CSMD1: variants seen among roughly 807,000 people sequenced by gnomAD.
The protein encoded by CSMD1 is CUB and sushi domain-containing protein 1.
In CSMD1, 213 loss-of-function variants were observed where a neutral mutation model predicts 417.5. The observed-to-expected ratio is 0.51, with a 90% CI of 0.46 to 0.57. The LOEUF is 0.57. Ranked by LOEUF, CSMD1 falls within the 20% of genes least tolerant of loss-of-function variation. CSMD1 has a pLI of 0.00. For missense variants in CSMD1, 6,923 were observed against 4,529.7 expected, an observed-to-expected ratio of 1.53 and a Z score of -15.17; for synonymous variants, 2,862 against 1,736.8, an observed-to-expected ratio of 1.65 and a Z score of -16.11.
chr8:4,331,233 G>C (rs570289958), intron 3 of CSMD1, among the ~76,000 whole-genome samples: 1 of 152,260 alleles, frequency 6.6e-6, no homozygotes, highest in African/African-American at 2.4e-5. Flanking sequence ...GTGAGTCCCT[G>C]TGGGAACCTC....
At position 3,625,384 on chromosome 8, in the gene CSMD1, C is replaced by G. The variant is rs1423403028; in HGVS notation, c.1010-8587G>C. On this transcript the variant is annotated intron_variant, in intron 7 of 69. Coordinates refer to ENST00000635120, the MANE Select transcript of CSMD1 (RefSeq NM_033225.6). ...AGTGAGAGACAAGGGCTGCATTTTC[C>G]AAGTGTTTAACTTATTACATTGCCA... Among the ~76,000 whole-genome samples the G allele has an allele frequency of 2.0e-5, 3 of 151,954 alleles. No individual in the cohort carries two copies. In the South Asian group the frequency reaches 6.2e-4, roughly 32 times the overall value.
At chr8:4,743,762 G>T (rs13266752) in intron 1 of CSMD1, among the ~76,000 whole-genome samples, 1 of 152,000 alleles carries the variant, frequency 6.6e-6, no homozygotes, top group South Asian at 2.1e-4. Flanking sequence ...AGACCTTGAA[G>T]TTTTGCCTAT....
At chr8:3,442,214 A>C (rs1815031563) in intron 12 of CSMD1, among the ~76,000 whole-genome samples, 1 of 152,202 alleles carries the variant, frequency 6.6e-6, no homozygotes. Flanking sequence ...AAGGTTTATA[A>C]AGTAAAAAAG....
At chr8:4,279,358 G>T (rs917308789) in intron 3 of CSMD1, among the ~76,000 whole-genome samples, 2 of 152,140 alleles carry the variant, frequency 1.3e-5, no homozygotes, top group African/African-American at 4.8e-5. Flanking sequence ...GTGGCAAACG[G>T]ACATCTCAAC....
At chr8:4,386,116 C>G (rs1803434026) in intron 3 of CSMD1, among the ~76,000 whole-genome samples, 1 of 152,168 alleles carries the variant, frequency 6.6e-6, no homozygotes, top group Non-Finnish European at 1.5e-5. Flanking sequence ...TTGACTTTTA[C>G]CCGGGAATTT....
chr8:4,076,251 C>T (rs939200650), intron 3 of CSMD1, among the ~76,000 whole-genome samples: 2 of 152,168 alleles, frequency 1.3e-5, no homozygotes, highest in Admixed American at 6.5e-5. Flanking sequence ...CTTCTCTCTC[C>T]TGCCACTATG....
At chr8:3,388,299 A>C (rs1443891818) in intron 17 of CSMD1, among the ~76,000 whole-genome samples, 1 of 152,208 alleles carries the variant, frequency 6.6e-6, no homozygotes, top group African/African-American at 2.4e-5. Context: ...ATTAATGTGC[A>C]TGAAGTAATT....
At chr8:4,884,877 G>T (rs754682056) in intron 1 of CSMD1, among the ~76,000 whole-genome samples, 2 of 152,110 alleles carry the variant, frequency 1.3e-5, no homozygotes, top group African/African-American at 4.8e-5. Flanking sequence ...AAATTTTAGG[G>T]TCAGCTTATC....
intron 5 of CSMD1, among the ~76,000 whole-genome samples, chr8:3,953,209 T>C (rs1374452354): frequency 1.3e-5 from 2 of 152,228 alleles, no homozygotes; most frequent in African/African-American, 2.4e-5. Context: ...ATAAACATTA[T>C]AGGATTAAAA....
intron 23 of CSMD1, among the ~76,000 whole-genome samples, chr8:3,317,403 C>A (rs1032544005): frequency 6.6e-6 from 1 of 152,178 alleles, no homozygotes; most frequent in African/African-American, 2.4e-5. Flanking sequence ...TAGGCATAGA[C>A]AGTATGAGTC....
At chr8:4,104,438 G>GCACA (rs58522554) in intron 3 of CSMD1, among the ~76,000 whole-genome samples, 34 of 151,440 alleles carry the variant, frequency 2.2e-4, no homozygotes, top group African/African-American at 5.3e-4. Flanking sequence ...GCACACGCAT[G>GCACA]CACACACACA....
chr8:4,802,012 T>G (rs1436634046), intron 1 of CSMD1, among the ~76,000 whole-genome samples: 1 of 152,188 alleles, frequency 6.6e-6, no homozygotes, highest in African/African-American at 2.4e-5. Context: ...TTTGCTTCCC[T>G]GGTGTAGACA....
chr8:3,582,007 T>G (rs1177544083), intron 9 of CSMD1, among the ~76,000 whole-genome samples: 1 of 152,088 alleles, frequency 6.6e-6, no homozygotes, highest in African/African-American at 2.4e-5. Flanking sequence ...GTTGGCCAGG[T>G]TGGTCTTGAA....
chr8:3,472,321 C>A (rs986591536), intron 11 of CSMD1, among the ~76,000 whole-genome samples: 1 of 152,212 alleles, frequency 6.6e-6, no homozygotes, highest in African/African-American at 2.4e-5. Flanking sequence ...CATCTTTTAA[C>A]TATTGTAAGT....
At chr8:4,768,795 G>C (rs948365384) in intron 1 of CSMD1, among the ~76,000 whole-genome samples, 1 of 152,108 alleles carries the variant, frequency 6.6e-6, no homozygotes. Flanking sequence ...TGGGAAGAGA[G>C]GAATTAATAA....
At chr8:4,461,741 ATTTT>A (rs35226423) in intron 2 of CSMD1, among the ~76,000 whole-genome samples, 1 of 124,550 alleles carries the variant, frequency 8.0e-6, no homozygotes, top group Non-Finnish European at 1.6e-5. Flanking sequence ...TTATTTACTT[ATTTT>A]TTTTTTTTTT....
intron 10 of CSMD1, among the ~76,000 whole-genome samples, chr8:3,555,278 G>C (rs554488786): frequency 7.9e-5 from 12 of 152,234 alleles, no homozygotes; most frequent in African/African-American, 2.6e-4. Context: ...CCAATGGGAT[G>C]ATTTAGGCAG....
intron 5 of CSMD1, among the ~76,000 whole-genome samples, chr8:3,936,107 T>G (rs1810472748): frequency 6.6e-6 from 1 of 151,030 alleles, no homozygotes; most frequent in South Asian, 2.1e-4. Context: ...AAAGCCTAAC[T>G]CTCTGAAGGT....
chr8:4,690,544 A>C (rs981046379), intron 1 of CSMD1, among the ~76,000 whole-genome samples: 1 of 152,242 alleles, frequency 6.6e-6, no homozygotes, highest in African/African-American at 2.4e-5. Flanking sequence ...CTGTCATGAC[A>C]CATCGCACTT....
Sources: allele counts gnomAD v4.1 joint callset (sites outside exome capture counted in the v4.1 genomes callset), GRCh38; gene constraint gnomAD v4.1.1; transcripts MANE v1.5; gene names NCBI Gene and HGNC (gene_info 2026-07-23, HGNC 2026-07-21).